The following H3C3 variants were observed in gnomAD, a reference collection of about 807,000 sequenced individuals.
H3C3 encodes the protein H3 clustered histone 3, also known as histone H3.1.
In H3C3, 14 loss-of-function variants were observed where a neutral mutation model predicts 7.7. That is an observed-to-expected ratio of 1.81 (90% CI 1.20 to 2.83). The LOEUF (loss-of-function observed/expected upper bound fraction) is 2.83, where lower values mean the gene tolerates loss of function less well. H3C3 is among the 30% of genes most tolerant of loss of function. The probability of loss-of-function intolerance (pLI) is 0.00; values close to 1 mark genes in which losing one functional copy is unlikely to be tolerated. For synonymous variants in H3C3, 178 were observed against 77.1 expected, an observed-to-expected ratio of 2.31 and a Z score of -6.86; for missense variants, 205 against 191.2, an observed-to-expected ratio of 1.07 and a Z score of -0.43.
rs1377734473 is a variant in H3C3, at chr6:26,045,753, G to A, written c.343G>A (p.Ala115Thr). The A allele has an allele frequency of 6.2e-7, 1 of 1,614,244 alleles. No homozygotes were observed. The highest frequency in any genetic ancestry group is 8.5e-7 in the Non-Finnish European group (1 of 1,180,040). Residue 115 changes from alanine to threonine, a missense_variant, in exon 1 of 1, where the codon GCT becomes ACT. Ala to Thr is a moderately conservative substitution (Grantham distance 58, BLOSUM62 0). Coordinates refer to ENST00000612966, the MANE Select transcript of H3C3 (RefSeq NM_003531.3). The stretch of plus-strand genomic sequence containing the variant: ...AGACACCAATCTGTGCGCTATTCAC[G>A]CTAAACGCGTCACCATCATGCCCAA... ...FEDTNLCAIH[A>T]KRVTIMPKDI... is the part of the protein sequence containing the mutation.
chr6:26,045,413 G>GGCTCGTACGAAGCAAACA lies in H3C3; in HGVS notation c.9_26dup (p.Thr4_Arg9dup). ...TTTTGTGTGTGCTCTCATTGCAAATGGCTCGTACGAAGCAAACAGCTCGCA... is the reference window on the plus strand; with the variant it reads ...TTTTGTGTGTGCTCTCATTGCAAATGGCTCGTACGAAGCAAACAGCTCGTACGAAGCAAACAGCTCGCA... On this transcript the variant is annotated inframe_insertion, in exon 1 of 1. Transcript: ENST00000612966. The GGCTCGTACGAAGCAAACA allele has an allele frequency of 6.2e-7, 1 of 1,603,330 alleles. No homozygotes were observed. The highest frequency in any genetic ancestry group is 8.5e-7 in the Non-Finnish European group (1 of 1,177,450).
chr6:26,045,868 C>A lies in H3C3; in HGVS notation c.*47C>A. ...TGAAAAGGCTCTTTTCAGAGCCACTCACAATTTCACTTAAAAACAGTTGTA... is the reference window on the plus strand; with the variant it reads ...TGAAAAGGCTCTTTTCAGAGCCACTAACAATTTCACTTAAAAACAGTTGTA... On this transcript the variant is annotated 3_prime_UTR_variant, in exon 1 of 1. Transcript: ENST00000612966. 6.4e-7 allele frequency: 1 copy of A among 1,551,244 alleles called. No individual in the cohort carries two copies.
At position 26,045,569 on chromosome 6, in the gene H3C3, T is replaced by A; in HGVS notation, c.159T>A (p.Arg53=). The change falls in exon 1 of 1, where the codon CGT becomes CGA. Residue 53 remains arginine, a synonymous_variant. Coordinates refer to ENST00000612966, the MANE Select transcript of H3C3 (RefSeq NM_003531.3). Reference sequence around the variant, plus strand: ...GCACCGTGGCCTTGCGCGAAATCCGTCGCTACCAGAAGTCCACCGAGCTGC... The same window carrying A: ...GCACCGTGGCCTTGCGCGAAATCCGACGCTACCAGAAGTCCACCGAGCTGC... ...RPGTVALREI[R]RYQKSTELLI... is the part of the protein sequence containing the mutation. 6.2e-7 allele frequency: 1 copy of A among 1,614,122 alleles called. No homozygotes were observed. The highest frequency in any genetic ancestry group is 8.5e-7 in the Non-Finnish European group (1 of 1,179,956).
Position 26,045,422 on chromosome 6 carries a change from G to C in H3C3, c.12G>C (p.Thr4=), listed in dbSNP as rs770888546. ...TGCTCTCATTGCAAATGGCTCGTACGAAGCAAACAGCTCGCAAGTCTACCG... is the reference window on the plus strand; with the variant it reads ...TGCTCTCATTGCAAATGGCTCGTACCAAGCAAACAGCTCGCAAGTCTACCG... MAR[T]KQTARKSTGG... Residue 4 remains threonine, a synonymous_variant, in exon 1 of 1, where the codon ACG becomes ACC. Transcript: ENST00000612966. 1.9e-6 allele frequency: 3 copies of C among 1,607,540 alleles called. No individual in the cohort carries two copies. The South Asian group carries it at 3.3e-5, about 18-fold the overall frequency.
Position 26,045,836 on chromosome 6 carries a change from T to C in H3C3, c.*15T>C, listed in dbSNP as rs761877043. The C allele has an allele frequency of 1.2e-6, 2 of 1,608,952 alleles. No homozygotes were observed. Among genetic ancestry groups the C allele is most frequent in the African/African-American group, 2.7e-5 (2 of 74,606 alleles). On this transcript the variant is annotated 3_prime_UTR_variant, in exon 1 of 1. Transcript: ENST00000612966. ...AAAGGGCATAAGTCTGCCCGTTTCT[T>C]CCTCATTGAAAAGGCTCTTTTCAGA...
rs1325561730 is a variant in H3C3 at position 26,045,725 on chromosome 6, C to G, written c.315C>G (p.Phe105Leu). ...GTGAGGCCTACCTGGTGGGACTCTTCGAAGACACCAATCTGTGCGCTATTC... is the reference window on the plus strand; with the variant it reads ...GTGAGGCCTACCTGGTGGGACTCTTGGAAGACACCAATCTGTGCGCTATTC... Reference protein sequence around the residue: ...EACEAYLVGLFEDTNLCAIHA... With the variant: ...EACEAYLVGLLEDTNLCAIHA... The change falls in exon 1 of 1, where the codon TTC (phenylalanine) becomes TTG (leucine). Residue 105 changes from phenylalanine (F) to leucine (L), a missense_variant. Transcript: ENST00000612966. 2.5e-6 allele frequency: 4 copies of G among 1,614,056 alleles called. No individual in the cohort carries two copies. The highest frequency in any genetic ancestry group is 2.5e-6 in the Non-Finnish European group (3 of 1,180,024).
chr6:26,045,805 G>A lies in H3C3; in HGVS notation c.395G>A (p.Arg132His). Residue 132 changes from arginine to histidine, a missense_variant, in exon 1 of 1, where the codon CGT (arginine) becomes CAT (histidine). Coordinates refer to ENST00000612966, the MANE Select transcript of H3C3 (RefSeq NM_003531.3). Reference sequence around the variant, plus strand: ...GATATCCAGCTGGCACGTCGCATCCGTGGGGAAAGGGCATAAGTCTGCCCG... The same window carrying A: ...GATATCCAGCTGGCACGTCGCATCCATGGGGAAAGGGCATAAGTCTGCCCG... The part of the protein sequence containing the change: ...PKDIQLARRI[R>H]GERA 1 of 1,614,068 alleles carries A rather than the reference G, an allele frequency of 6.2e-7. No homozygotes were observed. Among genetic ancestry groups the A allele is most frequent in the Non-Finnish European group, 8.5e-7 (1 of 1,180,006 alleles).
chr6:26,045,754 C>T lies in H3C3; in HGVS notation c.344C>T (p.Ala115Val), dbSNP rs1421952581. 1 of 1,614,242 alleles carries T rather than the reference C, an allele frequency of 6.2e-7. No individual in the cohort carries two copies. Among genetic ancestry groups the T allele is most frequent in the Non-Finnish European group, 8.5e-7 (1 of 1,180,034 alleles). ...FEDTNLCAIH[A>V]KRVTIMPKDI... ...GACACCAATCTGTGCGCTATTCACG[C>T]TAAACGCGTCACCATCATGCCCAAA... The change falls in exon 1 of 1, where the codon GCT becomes GTT. Residue 115 changes from alanine (A) to valine (V), a missense_variant. By Grantham distance (64) the Ala-to-Val change is moderately conservative (BLOSUM62 0). Transcript: ENST00000612966.
rs374021198 is a variant in H3C3, at chr6:26,045,857, T to C, written c.*36T>C. ...TTCTTCCTCATTGAAAAGGCTCTTT[T>C]CAGAGCCACTCACAATTTCACTTAA... On this transcript the variant is annotated 3_prime_UTR_variant, in exon 1 of 1. Coordinates refer to ENST00000612966, the MANE Select transcript of H3C3 (RefSeq NM_003531.3). 1 of 1,576,092 alleles carries C rather than the reference T, an allele frequency of 6.3e-7. No homozygotes were observed. The highest frequency in any genetic ancestry group is 1.4e-5 in the African/African-American group (1 of 73,574).
chr6:26,045,467 G>A lies in H3C3; in HGVS notation c.57G>A (p.Lys19=), dbSNP rs771013178. The A allele has an allele frequency of 3.1e-6, 5 of 1,610,054 alleles. No homozygotes were observed. Among genetic ancestry groups the A allele is most frequent in the Non-Finnish European group, 4.2e-6 (5 of 1,179,106 alleles). Reference sequence around the variant, plus strand: ...CTACCGGCGGCAAAGCTCCGCGCAAGCAGCTTGCTACTAAAGCAGCCCGTA... The same window carrying A: ...CTACCGGCGGCAAAGCTCCGCGCAAACAGCTTGCTACTAAAGCAGCCCGTA... The part of the protein sequence containing the change: ...RKSTGGKAPR[K]QLATKAARKS... The change falls in exon 1 of 1, where the codon AAG becomes AAA. Residue 19 remains lysine (K), a synonymous_variant. Coordinates refer to ENST00000612966, the MANE Select transcript of H3C3 (RefSeq NM_003531.3).
Position 26,045,399 on chromosome 6 carries a change from C to T in H3C3, c.-12C>T, listed in dbSNP as rs777058973. 21 of 1,595,532 alleles carry T rather than the reference C, an allele frequency of 1.3e-5. No homozygotes were observed. The highest frequency in any genetic ancestry group is 1.5e-5 in the Non-Finnish European group (18 of 1,175,430). ...TCAGTTCACTACACTTTTGTGTGTG[C>T]TCTCATTGCAAATGGCTCGTACGAA... On this transcript the variant is annotated 5_prime_UTR_variant, in exon 1 of 1. Coordinates refer to ENST00000612966, the MANE Select transcript of H3C3 (RefSeq NM_003531.3).
At position 26,045,627 on chromosome 6, in the gene H3C3, C is replaced by A; in HGVS notation, c.217C>A (p.Arg73=). ...GAAGCTGCCGTTCCAGCGCCTGGTG[C>A]GAGAAATCGCCCAGGACTTCAAAAC... ...IRKLPFQRLV[R]EIAQDFKTDL... Residue 73 remains arginine, a synonymous_variant, in exon 1 of 1, where the codon CGA becomes AGA. Coordinates refer to ENST00000612966, the MANE Select transcript of H3C3 (RefSeq NM_003531.3). The A allele has an allele frequency of 6.2e-7, 1 of 1,614,120 alleles. No individual in the cohort carries two copies. Among genetic ancestry groups the A allele is most frequent in the Non-Finnish European group, 8.5e-7 (1 of 1,180,050 alleles).
At position 26,045,782 on chromosome 6, in the gene H3C3, T is replaced by C. The variant is rs751777868; in HGVS notation, c.372T>C (p.Asp124=). The change falls in exon 1 of 1, where the codon GAT becomes GAC. Residue 124 remains aspartate, a synonymous_variant. Transcript: ENST00000612966. ...HAKRVTIMPK[D]IQLARRIRGE... is the part of the protein sequence containing the mutation. ...AACGCGTCACCATCATGCCCAAAGATATCCAGCTGGCACGTCGCATCCGTG... is the reference window on the plus strand; with the variant it reads ...AACGCGTCACCATCATGCCCAAAGACATCCAGCTGGCACGTCGCATCCGTG... The C allele has an allele frequency of 3.1e-6, 5 of 1,614,070 alleles. No individual in the cohort carries two copies. Among genetic ancestry groups the C allele is most frequent in the East Asian group, 2.2e-5 (1 of 44,902 alleles).
In H3C3 at chr6:26,045,716, G is replaced by T; in HGVS notation, c.306G>T (p.Val102=). The part of the protein sequence containing the change: ...ALQEACEAYL[V]GLFEDTNLCA... ...AGGAGGCTTGTGAGGCCTACCTGGT[G>T]GGACTCTTCGAAGACACCAATCTGT... The change falls in exon 1 of 1, where the codon GTG becomes GTT. Residue 102 remains valine (V), a synonymous_variant. Coordinates refer to ENST00000612966, the MANE Select transcript of H3C3 (RefSeq NM_003531.3). The T allele has an allele frequency of 2.5e-6, 4 of 1,614,230 alleles. No individual in the cohort carries two copies. Among genetic ancestry groups the T allele is most frequent in the Non-Finnish European group, 3.4e-6 (4 of 1,180,022 alleles).
At position 26,045,618 on chromosome 6, in the gene H3C3, C is replaced by T. The variant is rs1159112960; in HGVS notation, c.208C>T (p.Arg70Cys). ...ELLIRKLPFQ[R>C]LVREIAQDFK... ...GCTGATCCGGAAGCTGCCGTTCCAG[C>T]GCCTGGTGCGAGAAATCGCCCAGGA... is the stretch of plus-strand genomic sequence containing the variant. The change falls in exon 1 of 1, where the codon CGC becomes TGC. Residue 70 changes from arginine to cysteine, a missense_variant. Physicochemically the swap from Arg to Cys is radical, Grantham distance 180 (BLOSUM62 -3). Transcript: ENST00000612966. 7 of 1,614,272 alleles carry T rather than the reference C, an allele frequency of 4.3e-6. No individual in the cohort carries two copies. Among genetic ancestry groups the T allele is most frequent in the East Asian group, 2.2e-5 (1 of 44,888 alleles).
In H3C3 at chr6:26,045,766, C is replaced by T; in HGVS notation, c.356C>T (p.Thr119Ile). Reference sequence around the variant, plus strand: ...TGCGCTATTCACGCTAAACGCGTCACCATCATGCCCAAAGATATCCAGCTG... The same window carrying T: ...TGCGCTATTCACGCTAAACGCGTCATCATCATGCCCAAAGATATCCAGCTG... ...NLCAIHAKRV[T>I]IMPKDIQLAR... The change falls in exon 1 of 1, where the codon ACC (threonine) becomes ATC (isoleucine). Residue 119 changes from threonine to isoleucine, a missense_variant. Thr to Ile is a moderately conservative substitution (Grantham distance 89). Coordinates refer to ENST00000612966, the MANE Select transcript of H3C3 (RefSeq NM_003531.3). 3 of 1,614,228 alleles carry T rather than the reference C, an allele frequency of 1.9e-6. No individual in the cohort carries two copies. The highest frequency in any genetic ancestry group is 1.1e-5 in the South Asian group (1 of 91,084).
chr6:26,045,405 T>A lies in H3C3; in HGVS notation c.-6T>A, dbSNP rs764676627. On this transcript the variant is annotated 5_prime_UTR_variant, in exon 1 of 1. The change creates a new upstream start codon in the 5' untranslated region. Coordinates refer to ENST00000612966, the MANE Select transcript of H3C3 (RefSeq NM_003531.3). The stretch of plus-strand genomic sequence containing the variant: ...CACTACACTTTTGTGTGTGCTCTCA[T>A]TGCAAATGGCTCGTACGAAGCAAAC... 1 of 1,597,584 alleles carries A rather than the reference T, an allele frequency of 6.3e-7. No homozygotes were observed. The highest frequency in any genetic ancestry group is 2.2e-5 in the East Asian group (1 of 44,846).
Position 26,045,528 on chromosome 6 carries a change from C to T in H3C3, c.118C>T (p.His40Tyr). ...GGCCACCGGTGGCGTGAAGAAACCTCATCGCTACCGCCCGGGCACCGTGGC... is the reference window on the plus strand; with the variant it reads ...GGCCACCGGTGGCGTGAAGAAACCTTATCGCTACCGCCCGGGCACCGTGGC... ...APATGGVKKPHRYRPGTVALR... is the reference protein window; with the variant it reads ...APATGGVKKPYRYRPGTVALR... Residue 40 changes from histidine to tyrosine, a missense_variant, in exon 1 of 1, where the codon CAT becomes TAT. Coordinates refer to ENST00000612966, the MANE Select transcript of H3C3 (RefSeq NM_003531.3). The T allele has an allele frequency of 1.2e-6, 2 of 1,613,888 alleles. No individual in the cohort carries two copies. Among genetic ancestry groups the T allele is most frequent in the Non-Finnish European group, 1.7e-6 (2 of 1,179,866 alleles).
In H3C3 at chr6:26,045,786, C is replaced by G; in HGVS notation, c.376C>G (p.Gln126Glu). 6.2e-7 allele frequency: 1 copy of G among 1,614,244 alleles called. No individual in the cohort carries two copies. The highest frequency in any genetic ancestry group is 8.5e-7 in the Non-Finnish European group (1 of 1,180,044). The change falls in exon 1 of 1, where the codon CAG becomes GAG. Residue 126 changes from glutamine (Q) to glutamate (E), a missense_variant. By Grantham distance (29) the Gln-to-Glu change is conservative. Transcript: ENST00000612966. ...KRVTIMPKDI[Q>E]LARRIRGERA ...CGTCACCATCATGCCCAAAGATATC[C>G]AGCTGGCACGTCGCATCCGTGGGGA...
Sources: allele counts gnomAD v4.1 joint callset, GRCh38; gene constraint gnomAD v4.1.1; transcripts MANE v1.5; gene names NCBI Gene and HGNC (gene_info 2026-07-23, HGNC 2026-07-21).